The following PIEZO2 variants were observed in gnomAD, a reference collection of about 807,000 sequenced individuals.
The protein encoded by PIEZO2 is piezo type mechanosensitive ion channel component 2.
Under a neutral mutation model 337.3 loss-of-function variants are expected in PIEZO2, and 172 were observed. The observed-to-expected ratio is 0.51, with a 90% CI of 0.45 to 0.58. The LOEUF (loss-of-function observed/expected upper bound fraction) is 0.58. PIEZO2 is among the 20% of genes least tolerant of loss of function. The probability of loss-of-function intolerance (pLI) is 0.00; values close to 1 mark genes in which losing one functional copy is unlikely to be tolerated. For missense variants in PIEZO2, 3,028 were observed against 3,391.3 expected (o/e 0.89, Z 2.66); for synonymous variants, 1,251 against 1,228.5 (o/e 1.02, Z -0.38).
rs2039204071 is a variant in PIEZO2, at chr18:11,094,498, G to C, written c.65-28276C>G. The stretch of plus-strand genomic sequence containing the variant: ...ATGCAGGAGACTCAGACAGTTGTAG[G>C]TGCCTGAGAGTAACAGCAGCAAGCC... On this transcript the variant is annotated intron_variant, in intron 1 of 55. Coordinates refer to ENST00000674853, the MANE Select transcript of PIEZO2 (RefSeq NM_001378183.1). The surrounding 1 kb of genome is among the most constrained non-coding windows in gnomAD (Gnocchi z 4.4). 6.6e-6 allele frequency among the ~76,000 whole-genome samples: 1 copy of C among 152,090 alleles called. No individual in the cohort carries two copies. Among genetic ancestry groups the C allele is most frequent in the Non-Finnish European group, 1.5e-5 (1 of 68,014 alleles).
Position 11,132,240 on chromosome 18 carries a change from C to T in PIEZO2, c.64+16285G>A, listed in dbSNP as rs2040360418. Among the ~76,000 whole-genome samples, 2 of 152,190 alleles carry T rather than the reference C, an allele frequency of 1.3e-5. No homozygotes were observed. Among genetic ancestry groups the T allele is most frequent in the Admixed American group, 1.3e-4 (2 of 15,282 alleles). ...CCATGGACTCACAGAATGCCTTATC[C>T]ACCAACATGGTATTCCACACCGCAT... is the stretch of plus-strand genomic sequence containing the variant. On this transcript the variant is annotated intron_variant, in intron 1 of 55. Transcript: ENST00000674853. The surrounding 1 kb of genome is among the most constrained non-coding windows in gnomAD (Gnocchi z 4.7).
rs2036005830 is a variant in PIEZO2, at chr18:10,716,228, AATAC to A, written c.5090-416_5090-413del. On this transcript the variant is annotated intron_variant, in intron 37 of 55. Coordinates refer to ENST00000674853, the MANE Select transcript of PIEZO2 (RefSeq NM_001378183.1). This position sits in a 1 kb window ranked among gnomAD's most constrained non-coding sequence, Gnocchi z 4.1. ...CACCTCTGCTGCCTCTGCCACCCCT[AATAC>A]AGAAAAACCAACCCCTCTTCTTCCT... Among the ~76,000 whole-genome samples the A allele has an allele frequency of 6.6e-6, 1 of 152,010 alleles. No individual in the cohort carries two copies. The highest frequency in any genetic ancestry group is 1.9e-4 in the East Asian group (1 of 5,182).
At position 10,724,128 on chromosome 18, in the gene PIEZO2, G is replaced by C. The variant is rs2036432156; in HGVS notation, c.5030-5869C>G. On this transcript the variant is annotated intron_variant, in intron 36 of 55. Coordinates refer to ENST00000674853, the MANE Select transcript of PIEZO2 (RefSeq NM_001378183.1). The surrounding 1 kb of genome is among the most constrained non-coding windows in gnomAD (Gnocchi z 5.8). ...CACAGAGATTAGAATCATGAATAAG[G>C]GGCTCAGTCCTTGCCTTCAGGAGCT... is the stretch of plus-strand genomic sequence containing the variant. 6.6e-6 allele frequency among the ~76,000 whole-genome samples: 1 copy of C among 152,094 alleles called. No homozygotes were observed. The highest frequency in any genetic ancestry group is 2.1e-4 in the South Asian group (1 of 4,824).
At position 10,985,214 on chromosome 18, in the gene PIEZO2, T is replaced by C. The variant is rs2034825275; in HGVS notation, c.161-5554A>G. On this transcript the variant is annotated intron_variant, in intron 2 of 55. Coordinates refer to ENST00000674853, the MANE Select transcript of PIEZO2 (RefSeq NM_001378183.1). Reference sequence around the variant, plus strand: ...CCGTAATGGTGATATGTAAATCATATTGAACTCTAATATAAAAGTTAAAAT... The same window carrying C: ...CCGTAATGGTGATATGTAAATCATACTGAACTCTAATATAAAAGTTAAAAT... 4.6e-5 allele frequency among the ~76,000 whole-genome samples: 7 copies of C among 152,228 alleles called. 1 individual carries two copies. In the South Asian group the frequency reaches 1.2e-3, roughly 27 times the overall value.
At chr18:10,786,296 T>A (rs2039222182) in intron 16 of PIEZO2, among the ~76,000 whole-genome samples, 1 of 152,240 alleles carries the variant, frequency 6.6e-6, no homozygotes, top group South Asian at 2.1e-4. Flanking sequence ...TCTACAGGGC[T>A]TAGATTTTGT....
At position 10,852,938 on chromosome 18, in the gene PIEZO2, TG is replaced by T. The variant is rs536564811; in HGVS notation, c.917+2414del. Among the ~76,000 whole-genome samples, 18 of 152,182 alleles carry T rather than the reference TG, an allele frequency of 1.2e-4. No homozygotes were observed. In the South Asian group the frequency reaches 3.1e-3, roughly 26 times the overall value. Reference sequence around the variant, plus strand: ...CTCTAAAATAGTAATTGGTTGCAGCTGGGGGCTTGGGAAGGCAGTCTCCCAA... The same window carrying T: ...CTCTAAAATAGTAATTGGTTGCAGCTGGGGCTTGGGAAGGCAGTCTCCCAA... On this transcript the variant is annotated intron_variant, in intron 7 of 55. Coordinates refer to ENST00000674853, the MANE Select transcript of PIEZO2 (RefSeq NM_001378183.1).
At chr18:10,946,283 GAACCA>G (rs1442824277) in intron 3 of PIEZO2, among the ~76,000 whole-genome samples, 14 of 152,168 alleles carry the variant, frequency 9.2e-5, no homozygotes, top group African/African-American at 3.4e-4. Context: ...TTTTGTATCA[GAACCA>G]ATGAAGTGAG....
At chr18:10,911,414 G>A (rs992897418) in intron 3 of PIEZO2, among the ~76,000 whole-genome samples, 186 bp from the exon 4 acceptor site, 1 of 140,674 alleles carries the variant, frequency 7.1e-6, no homozygotes, top group Non-Finnish European at 1.5e-5. Context: ...TTAATAAAAA[G>A]TCCGCATATA....
At chr18:10,829,515 C>A (rs892394079) in intron 7 of PIEZO2, among the ~76,000 whole-genome samples, 1 of 152,070 alleles carries the variant, frequency 6.6e-6, no homozygotes, top group African/African-American at 2.4e-5. Context: ...CATAATTGTT[C>A]TTATTTGCAG....
At chr18:10,698,503 C>A (rs1211771956) in intron 44 of PIEZO2, among the ~76,000 whole-genome samples, 1 of 152,202 alleles carries the variant, frequency 6.6e-6, no homozygotes, top group East Asian at 1.9e-4. Flanking sequence ...AAATTAATTA[C>A]TAGACTAGGA....
Position 11,092,537 on chromosome 18 carries a change from A to G in PIEZO2, c.65-26315T>C, listed in dbSNP as rs1269308033. On this transcript the variant is annotated intron_variant, in intron 1 of 55. Transcript: ENST00000674853. This position sits in a 1 kb window ranked among gnomAD's most constrained non-coding sequence, Gnocchi z 4.5. Reference sequence around the variant, plus strand: ...TCTATATTTTCTAGAATTAGCATAAATACTTTTGAAACCAGGAAAATAAGT... The same window carrying G: ...TCTATATTTTCTAGAATTAGCATAAGTACTTTTGAAACCAGGAAAATAAGT... 6.6e-6 allele frequency among the ~76,000 whole-genome samples: 1 copy of G among 152,234 alleles called. No individual in the cohort carries two copies. Among genetic ancestry groups the G allele is most frequent in the East Asian group, 1.9e-4 (1 of 5,206 alleles).
At chr18:10,699,784 G>C (rs1003660705) in intron 43 of PIEZO2, among the ~76,000 whole-genome samples, 4 of 152,212 alleles carry the variant, frequency 2.6e-5, no homozygotes, top group Non-Finnish European at 5.9e-5. Flanking sequence ...AGAAATTACA[G>C]TGACTTGACT....
chr18:10,915,935 TGCTG>T (rs2030907906), intron 3 of PIEZO2, among the ~76,000 whole-genome samples: 5 of 1,102 alleles, frequency 4.5e-3, no homozygotes, highest in Non-Finnish European at 8.5e-3. Context: ...AGACACAGAG[TGCTG>T]ATTGGTGCAT....
Position 11,125,572 on chromosome 18 carries a change from T to C in PIEZO2, c.64+22953A>G, listed in dbSNP as rs575336210. 3.3e-5 allele frequency among the ~76,000 whole-genome samples: 5 copies of C among 152,266 alleles called. No homozygotes were observed. The highest frequency in any genetic ancestry group is 1.2e-4 in the African/African-American group (5 of 41,550). Reference sequence around the variant, plus strand: ...CTGCGGAAACCAAGACACACTCCATTCCAAATAAAGATTACCCTGCAGAGA... The same window carrying C: ...CTGCGGAAACCAAGACACACTCCATCCCAAATAAAGATTACCCTGCAGAGA... On this transcript the variant is annotated intron_variant, in intron 1 of 55. Coordinates refer to ENST00000674853, the MANE Select transcript of PIEZO2 (RefSeq NM_001378183.1). This position sits in a 1 kb window ranked among gnomAD's most constrained non-coding sequence, Gnocchi z 4.4.
rs573525595 is a variant in PIEZO2 at position 10,943,227 on chromosome 18, C to T, written c.287-31999G>A. ...TGGAGCTGTGAGAAGAGGGCCACTG[C>T]CATCCTGTAGACCCCAGAATGGTAG... On this transcript the variant is annotated intron_variant, in intron 3 of 55. Transcript: ENST00000674853. The surrounding 1 kb of genome is among the most constrained non-coding windows in gnomAD (Gnocchi z 4.5). Among the ~76,000 whole-genome samples, 1 of 152,308 alleles carries T rather than the reference C, an allele frequency of 6.6e-6. No homozygotes were observed. Among genetic ancestry groups the T allele is most frequent in the East Asian group, 1.9e-4 (1 of 5,178 alleles).
intron 3 of PIEZO2, among the ~76,000 whole-genome samples, chr18:10,921,183 T>C (rs2031372480): frequency 1.3e-5 from 2 of 152,058 alleles, no homozygotes; most frequent in Admixed American, 1.3e-4. Context: ...TGGTGATGTG[T>C]ATCAAAAAAG....
rs555012592 is a variant in PIEZO2 at position 10,859,150 on chromosome 18, C to T, written c.493-1939G>A. Among the ~76,000 whole-genome samples the T allele has an allele frequency of 6.6e-6, 1 of 152,268 alleles. No homozygotes were observed. The highest frequency in any genetic ancestry group is 2.1e-4 in the South Asian group (1 of 4,826). On this transcript the variant is annotated intron_variant, in intron 5 of 55. Transcript: ENST00000674853. This position sits in a 1 kb window ranked among gnomAD's most constrained non-coding sequence, Gnocchi z 4.9. ...AAGGAAAGCCTCTCTGAGGAGGTGACATTTAAGCTAAGATCTGAATGTCAC... is the reference window on the plus strand; with the variant it reads ...AAGGAAAGCCTCTCTGAGGAGGTGATATTTAAGCTAAGATCTGAATGTCAC...
At chr18:10,848,590 T>C (rs1414786626) in intron 7 of PIEZO2, among the ~76,000 whole-genome samples, 4 of 152,160 alleles carry the variant, frequency 2.6e-5, no homozygotes, top group Non-Finnish European at 4.4e-5. Context: ...CTTCCCACCC[T>C]TCATTTTGAA....
At chr18:11,010,304 A>C (rs79041459) in intron 2 of PIEZO2, among the ~76,000 whole-genome samples, 2,360 of 152,282 alleles carry the variant, frequency 0.015, 38 homozygotes, top group African/African-American at 0.042. Context: ...AAAGTTGTAA[A>C]ATAGCACCAT....
Sources: allele counts gnomAD v4.1 joint callset (sites outside exome capture counted in the v4.1 genomes callset), GRCh38; gene constraint gnomAD v4.1.1; non-coding constraint Gnocchi (gnomAD v3.1); transcripts MANE v1.5; gene names NCBI Gene and HGNC (gene_info 2026-07-23, HGNC 2026-07-21).